The following CPEB1 variants were observed in gnomAD, a reference collection of about 807,000 sequenced individuals.
CPEB1 encodes the protein cytoplasmic polyadenylation element binding protein 1.
In CPEB1, 7 loss-of-function variants were observed where a neutral mutation model predicts 65.8. The ratio of observed to expected loss-of-function variants is 0.11; its 90% CI spans 0.06 to 0.20. The LOEUF (loss-of-function observed/expected upper bound fraction) is 0.20. CPEB1 is among the 10% of genes least tolerant of loss of function. The probability of loss-of-function intolerance (pLI) is 1.00; values close to 1 mark genes in which losing one functional copy is unlikely to be tolerated. For synonymous variants in CPEB1, 262 were observed against 260.0 expected, an observed-to-expected ratio of 1.01 and a Z score of -0.08; for missense variants, 551 against 712.2, an observed-to-expected ratio of 0.77 and a Z score of 2.58.
At chr15:82,606,021 A>G (rs1265130128) in intron 3 of CPEB1, among the ~76,000 whole-genome samples, 3 of 152,120 alleles carry the variant, frequency 2.0e-5, no homozygotes, top group African/African-American at 4.8e-5. Context: ...CTGGGCAACA[A>G]CAGCAAAACT....
chr15:82,598,417 G>T (rs748042471), intron 3 of CPEB1, among the ~76,000 whole-genome samples: 1 of 151,972 alleles, frequency 6.6e-6, no homozygotes, highest in Non-Finnish European at 1.5e-5. Flanking sequence ...TCGCTTGAAC[G>T]TGGGACGCAG....
At chr15:82,627,679 T>C (rs745455999) in intron 2 of CPEB1, among the ~76,000 whole-genome samples, 1 of 152,190 alleles carries the variant, frequency 6.6e-6, no homozygotes, top group Non-Finnish European at 1.5e-5. Context: ...GGTTTATGAT[T>C]AGGATTGCCT....
intron 3 of CPEB1, among the ~76,000 whole-genome samples, chr15:82,589,384 C>T (rs953228051): frequency 2.6e-5 from 4 of 152,234 alleles, no homozygotes; most frequent in Non-Finnish European, 5.9e-5. Flanking sequence ...TAATCACTAA[C>T]CCCTGCCCCC....
chr15:82,646,079 C>T (rs921402932), intron 1 of CPEB1, among the ~76,000 whole-genome samples: 17 of 152,114 alleles, frequency 1.1e-4, no homozygotes, highest in Non-Finnish European at 2.4e-4. Context: ...AAAAACCAAC[C>T]AGGAAAACAA....
At chr15:82,550,326 A>C (rs192539983) in intron 9 of CPEB1, among the ~76,000 whole-genome samples, 66 of 152,332 alleles carry the variant, frequency 4.3e-4, no homozygotes, top group Admixed American at 3.2e-3. Context: ...AAGATCTAAA[A>C]ATATGTCTTG....
chr15:82,578,426 C>G (rs1416397846), intron 3 of CPEB1, among the ~76,000 whole-genome samples: 2 of 152,124 alleles, frequency 1.3e-5, no homozygotes, highest in Admixed American at 6.5e-5. Context: ...CAAGTTTACT[C>G]AGGGCACAAA....
intron 1 of CPEB1, among the ~76,000 whole-genome samples, chr15:82,639,935 G>A (rs1262227985): frequency 1.3e-5 from 2 of 152,014 alleles, no homozygotes; most frequent in African/African-American, 2.4e-5. Flanking sequence ...TCAGTTGTAG[G>A]GGAATTAAAC....
intron 3 of CPEB1, among the ~76,000 whole-genome samples, chr15:82,612,007 G>A (rs778069924): frequency 8.1e-4 from 122 of 151,314 alleles, no homozygotes; most frequent in Admixed American, 2.6e-3. Flanking sequence ...TCAGGAGATC[G>A]AGACCATCCT....
chr15:82,615,639 A>G (rs1386167807), intron 3 of CPEB1, among the ~76,000 whole-genome samples: 1 of 152,208 alleles, frequency 6.6e-6, no homozygotes, highest in Non-Finnish European at 1.5e-5. Flanking sequence ...TATAATATAA[A>G]GAAAACAAAA....
chr15:82,623,894 A>G (rs1295167411), intron 3 of CPEB1, among the ~76,000 whole-genome samples: 4 of 152,068 alleles, frequency 2.6e-5, no homozygotes, highest in Non-Finnish European at 4.4e-5. Context: ...TTTATGGTAC[A>G]TGATATTCCA....
intron 3 of CPEB1, among the ~76,000 whole-genome samples, chr15:82,576,020 C>T (rs141179881): frequency 2.1e-3 from 325 of 152,256 alleles, no homozygotes; most frequent in Admixed American, 4.4e-3. Context: ...TAATAAAACA[C>T]CTGTGCAAGA....
intron 1 of CPEB1, among the ~76,000 whole-genome samples, chr15:82,633,654 T>C (rs1014729009): frequency 6.6e-6 from 1 of 152,240 alleles, no homozygotes; most frequent in African/African-American, 2.4e-5. Flanking sequence ...ATTATAGGCA[T>C]GAGCCACAGT....
intron 1 of CPEB1, among the ~76,000 whole-genome samples, chr15:82,635,250 C>G (rs1640922973): frequency 6.6e-6 from 1 of 152,152 alleles, no homozygotes; most frequent in Non-Finnish European, 1.5e-5. Flanking sequence ...TTGAAGAGCC[C>G]TTATATGAAC....
intron 3 of CPEB1, among the ~76,000 whole-genome samples, chr15:82,575,334 T>C (rs1373326940): frequency 1.3e-5 from 2 of 152,166 alleles, no homozygotes; most frequent in Admixed American, 1.3e-4. Flanking sequence ...GACGTAAAAG[T>C]GAAAGCTAAG....
At position 82,555,933 on chromosome 15, in the gene CPEB1, G is replaced by A. The variant is rs757183251; in HGVS notation, c.877C>T (p.Leu293Phe). Residue 293 changes from leucine to phenylalanine, a missense_variant, in exon 6 of 13, where the codon CTC becomes TTC. By Grantham distance (22) the Leu-to-Phe change is conservative. Coordinates refer to ENST00000684509, the MANE Select transcript of CPEB1 (RefSeq NM_001365242.1). ...GASVWPSWDLLEAPKDPFSIE... is the reference protein window; with the variant it reads ...GASVWPSWDLFEAPKDPFSIE... ...CTGAAGGGGTCTTTGGGAGCTTCGA[G>A]GAGGTCCCAGGATGGCCACACAGAA... 1.9e-6 allele frequency: 3 copies of A among 1,613,596 alleles called. No homozygotes were observed. The South Asian group carries it at 3.3e-5, about 18-fold the overall frequency.
intron 3 of CPEB1, among the ~76,000 whole-genome samples, chr15:82,610,043 A>G (rs897769506): frequency 2.0e-5 from 3 of 148,576 alleles, no homozygotes; most frequent in African/African-American, 7.5e-5. Flanking sequence ...CTAGGCAACA[A>G]GAGCAAACCT....
chr15:82,597,038 T>A (rs183489036), intron 3 of CPEB1, among the ~76,000 whole-genome samples: 1 of 152,022 alleles, frequency 6.6e-6, no homozygotes, highest in East Asian at 2.0e-4. Flanking sequence ...AAACAAGAAA[T>A]ATAGGCTGGG....
chr15:82,588,799 C>T (rs2042002235), intron 3 of CPEB1, among the ~76,000 whole-genome samples: 1 of 152,146 alleles, frequency 6.6e-6, no homozygotes, highest in South Asian at 2.1e-4. Context: ...TGTACCCTTA[C>T]CAAATTTTAC....
At chr15:82,619,090 C>A (rs2045047519) in intron 3 of CPEB1, among the ~76,000 whole-genome samples, 1 of 152,184 alleles carries the variant, frequency 6.6e-6, no homozygotes. Flanking sequence ...AATTAAGACA[C>A]AAGGACAGAT....
Sources: allele counts gnomAD v4.1 joint callset (sites outside exome capture counted in the v4.1 genomes callset), GRCh38; gene constraint gnomAD v4.1.1; transcripts MANE v1.5; gene names NCBI Gene and HGNC (gene_info 2026-07-23, HGNC 2026-07-21).